OLIG1: variants seen among roughly 807,000 people sequenced by gnomAD.
OLIG1 encodes the protein basic domain, helix-loop-helix protein, class B, 6.
A neutral mutation model predicts 13.5 loss-of-function variants in OLIG1; 9 were observed. The ratio of observed to expected loss-of-function variants is 0.67; its 90% CI spans 0.40 to 1.17. OLIG1 has a LOEUF of 1.17. OLIG1 is among the 50% of genes most tolerant of loss of function. OLIG1 has a pLI of 0.01. For synonymous variants in OLIG1, 215 were observed against 208.3 expected (o/e 1.03, Z -0.28); for missense variants, 362 against 392.2 (o/e 0.92, Z 0.65).
rs553283318 is a variant in OLIG1 at position 33,070,454 on chromosome 21, C to T, written c.208C>T (p.Arg70Cys). 6.6e-7 allele frequency: 1 copy of T among 1,524,758 alleles called. No homozygotes were observed. Among genetic ancestry groups the T allele is most frequent in the Admixed American group, 2.0e-5 (1 of 49,678 alleles). 94.5% of individuals were successfully genotyped at this position (1,524,758 alleles called of 1,614,324 possible). A position where few individuals can be genotyped will look rare whatever the true frequency, so the allele number is the denominator to read the frequency against. Residue 70 changes from arginine to cysteine, a missense_variant, in exon 1 of 1, where the codon CGC becomes TGC. Arg to Cys is a radical substitution (Grantham distance 180). Coordinates refer to ENST00000382348, the MANE Select transcript of OLIG1 (RefSeq NM_138983.3). The surrounding 1 kb of genome is among the most constrained non-coding windows in gnomAD (Gnocchi z 5.9). ...TTAPLLPKAA[R>C]EKPEAPAEPP... ...GGCCCCCCTCCTCCCCAAGGCTGCG[C>T]GCGAGAAGCCGGAGGCGCCGGCCGA...
chr21:33,070,672 C>A lies in OLIG1; in HGVS notation c.426C>A (p.Gly142=), dbSNP rs375917294. 1 of 1,546,350 alleles carries A rather than the reference C, an allele frequency of 6.5e-7. No homozygotes were observed. Among genetic ancestry groups the A allele is most frequent in the South Asian group, 1.2e-5 (1 of 84,534 alleles). The change falls in exon 1 of 1, where the codon GGC becomes GGA. Residue 142 remains glycine, a synonymous_variant. Transcript: ENST00000382348. The surrounding 1 kb of genome is among the most constrained non-coding windows in gnomAD (Gnocchi z 5.9). The stretch of plus-strand genomic sequence containing the variant: ...CCTACTCAGCGGCGCACTGCCAGGG[C>A]GCGCCCGGCCGCAAGCTCTCCAAGA... ...ILPYSAAHCQ[G]APGRKLSKIA...
In OLIG1 at chr21:33,070,613, C is replaced by T. The variant is rs1357134478; in HGVS notation, c.367C>T (p.Leu123=). Residue 123 remains leucine (L), a synonymous_variant, in exon 1 of 1, where the codon CTG becomes TTG. Transcript: ENST00000382348. This position sits in a 1 kb window ranked among gnomAD's most constrained non-coding sequence, Gnocchi z 5.9. The part of the protein sequence containing the change: ...RERKRMQDLN[L]AMDALREVIL... The stretch of plus-strand genomic sequence containing the variant: ...GCGGAAGCGCATGCAGGACCTGAAC[C>T]TGGCCATGGACGCCCTGCGCGAGGT... 9 of 1,575,800 alleles carry T rather than the reference C, an allele frequency of 5.7e-6. No homozygotes were observed. The East Asian group carries it at 9.7e-5, about 17-fold the overall frequency.
At position 33,071,477 on chromosome 21, in the gene OLIG1, G is replaced by A; in HGVS notation, c.*415G>A. 6.0e-6 allele frequency: 1 copy of A among 166,238 alleles called. No individual in the cohort carries two copies. 10.3% of individuals were successfully genotyped at this position (166,238 alleles called of 1,614,324 possible). ...TACCTCCCCGGAGCGGAGCACGCCG[G>A]CTCCCAGTACTAGGGGCTGCGCTCG... On this transcript the variant is annotated 3_prime_UTR_variant, in exon 1 of 1. Coordinates refer to ENST00000382348, the MANE Select transcript of OLIG1 (RefSeq NM_138983.3). This position sits in a 1 kb window ranked among gnomAD's most constrained non-coding sequence, Gnocchi z 6.0.
rs755286379 is a variant in OLIG1 at position 33,071,047 on chromosome 21, G to A, written c.801G>A (p.Ala267=). The change falls in exon 1 of 1, where the codon GCG becomes GCA. Residue 267 remains alanine, a synonymous_variant. Coordinates refer to ENST00000382348, the MANE Select transcript of OLIG1 (RefSeq NM_138983.3). This position sits in a 1 kb window ranked among gnomAD's most constrained non-coding sequence, Gnocchi z 6.0. ...GCCTGGGCCTGGCCGCCGTGCAGGC[G>A]CAATTCTCCAAGTGAGGGCGGGCCT... ...PASLGLAAVQ[A]QFSK The A allele has an allele frequency of 6.0e-6, 9 of 1,503,032 alleles. No individual in the cohort carries two copies. Among genetic ancestry groups the A allele is most frequent in the South Asian group, 4.9e-5 (4 of 81,282 alleles). 93.1% of individuals were successfully genotyped at this position (1,503,032 alleles called of 1,614,324 possible). A position where few individuals can be genotyped will look rare whatever the true frequency, so the allele number is the denominator to read the frequency against.
Position 33,071,120 on chromosome 21 carries a change from C to T in OLIG1, c.*58C>T, listed in dbSNP as rs974515152. ...CCGGCCTCCCTTCGCTCAGCTTCTC[C>T]GCGCCCCTGCTCCCTGCGTCTGGGA... On this transcript the variant is annotated 3_prime_UTR_variant, in exon 1 of 1. Coordinates refer to ENST00000382348, the MANE Select transcript of OLIG1 (RefSeq NM_138983.3). The surrounding 1 kb of genome is among the most constrained non-coding windows in gnomAD (Gnocchi z 6.0). 5.0e-6 allele frequency: 7 copies of T among 1,386,842 alleles called. No individual in the cohort carries two copies. The highest frequency in any genetic ancestry group is 4.7e-6 in the Non-Finnish European group (5 of 1,058,008). 85.9% of individuals were successfully genotyped at this position (1,386,842 alleles called of 1,614,324 possible).
chr21:33,070,520 G>A lies in OLIG1; in HGVS notation c.274G>A (p.Gly92Ser). The A allele has an allele frequency of 6.7e-7, 1 of 1,497,922 alleles. No homozygotes were observed. The highest frequency in any genetic ancestry group is 8.9e-7 in the Non-Finnish European group (1 of 1,129,512). 92.8% of individuals were successfully genotyped at this position (1,497,922 alleles called of 1,614,324 possible). ...PGPGSGAHPGGSARPDAKEEQ... is the reference protein window; with the variant it reads ...PGPGSGAHPGSSARPDAKEEQ... ...GCCCGGGTCAGGCGCGCACCCGGGC[G>A]GCAGCGCCCGGCCGGACGCCAAGGA... The change falls in exon 1 of 1, where the codon GGC (glycine) becomes AGC (serine). Residue 92 changes from glycine to serine, a missense_variant. Around this residue, in one of 3 missense-constraint regions of OLIG1, gnomAD observed 206 missense variants for 197.2 expected, o/e 1.04. Coordinates refer to ENST00000382348, the MANE Select transcript of OLIG1 (RefSeq NM_138983.3). This position sits in a 1 kb window ranked among gnomAD's most constrained non-coding sequence, Gnocchi z 5.9.
At position 33,070,425 on chromosome 21, in the gene OLIG1, C is replaced by G; in HGVS notation, c.179C>G (p.Thr60Arg). Reference protein sequence around the residue: ...SSTSSTSSSSTTAPLLPKAAR... With the variant: ...SSTSSTSSSSRTAPLLPKAAR... ...ACCTCCTCCACTTCCTCCTCCTCCA[C>G]GACGGCCCCCCTCCTCCCCAAGGCT... Residue 60 changes from threonine to arginine, a missense_variant, in exon 1 of 1, where the codon ACG (threonine) becomes AGG (arginine). This residue lies in a region of OLIG1 where 206 missense variants were observed against 197.2 expected (regional missense o/e 1.04). Transcript: ENST00000382348. This position sits in a 1 kb window ranked among gnomAD's most constrained non-coding sequence, Gnocchi z 5.9. 3 of 1,538,006 alleles carry G rather than the reference C, an allele frequency of 2.0e-6. No individual in the cohort carries two copies. The highest frequency in any genetic ancestry group is 2.6e-6 in the Non-Finnish European group (3 of 1,145,002).
At position 33,070,168 on chromosome 21, in the gene OLIG1, CG is replaced by C. The variant is rs1352958359; in HGVS notation, c.-75del. On this transcript the variant is annotated 5_prime_UTR_variant, in exon 1 of 1. Transcript: ENST00000382348. This position sits in a 1 kb window ranked among gnomAD's most constrained non-coding sequence, Gnocchi z 5.9. ...CATCGTTTCCCCGCGCGCAGGTCCG[CG>C]GGGAGGGGCGGCCTGCCGACCGGCC... The C allele has an allele frequency of 1.4e-6, 2 of 1,407,576 alleles. No homozygotes were observed. The highest frequency in any genetic ancestry group is 1.9e-6 in the Non-Finnish European group (2 of 1,079,072). 87.2% of individuals were successfully genotyped at this position (1,407,576 alleles called of 1,614,324 possible).
chr21:33,070,435 C>G lies in OLIG1; in HGVS notation c.189C>G (p.Pro63=). Residue 63 remains proline (P), a synonymous_variant, in exon 1 of 1, where the codon CCC becomes CCG. Coordinates refer to ENST00000382348, the MANE Select transcript of OLIG1 (RefSeq NM_138983.3). The surrounding 1 kb of genome is among the most constrained non-coding windows in gnomAD (Gnocchi z 5.9). The part of the protein sequence containing the change: ...SSTSSSSTTA[P]LLPKAAREKP... ...CTTCCTCCTCCTCCACGACGGCCCC[C>G]CTCCTCCCCAAGGCTGCGCGCGAGA... 6.5e-7 allele frequency: 1 copy of G among 1,537,152 alleles called. No individual in the cohort carries two copies. The highest frequency in any genetic ancestry group is 8.7e-7 in the Non-Finnish European group (1 of 1,144,838).
Position 33,071,402 on chromosome 21 carries a change from T to A in OLIG1, c.*340T>A, listed in dbSNP as rs1277119831. On this transcript the variant is annotated 3_prime_UTR_variant, in exon 1 of 1. Coordinates refer to ENST00000382348, the MANE Select transcript of OLIG1 (RefSeq NM_138983.3). This position sits in a 1 kb window ranked among gnomAD's most constrained non-coding sequence, Gnocchi z 6.0. ...GGGCCGATGTAGAACTTAGGGCGCC[T>A]TGCCGTGGTTGGCGCGCCCCGGGTG... 1.1e-5 allele frequency: 2 copies of A among 186,754 alleles called. No individual in the cohort carries two copies. The highest frequency in any genetic ancestry group is 4.7e-5 in the African/African-American group (2 of 42,280). The allele number at this position is 186,754 out of a possible 1,614,324, so 11.6% of individuals were successfully genotyped here.
Position 33,071,131 on chromosome 21 carries a change from T to G in OLIG1, c.*69T>G. 7.5e-7 allele frequency: 1 copy of G among 1,331,998 alleles called. No individual in the cohort carries two copies. 82.5% of individuals were successfully genotyped at this position (1,331,998 alleles called of 1,614,324 possible). On this transcript the variant is annotated 3_prime_UTR_variant, in exon 1 of 1. Transcript: ENST00000382348. This position sits in a 1 kb window ranked among gnomAD's most constrained non-coding sequence, Gnocchi z 6.0. ...TCGCTCAGCTTCTCCGCGCCCCTGC[T>G]CCCTGCGTCTGGGAGAGCGAGGCCG...
In OLIG1 at chr21:33,071,225, C is replaced by A. The variant is rs977149799; in HGVS notation, c.*163C>A. The A allele has an allele frequency of 6.3e-6, 4 of 633,226 alleles. No homozygotes were observed. The South Asian group carries it at 1.1e-4, about 17-fold the overall frequency. The allele number at this position is 633,226 out of a possible 1,614,324, so 39.2% of individuals were successfully genotyped here. On this transcript the variant is annotated 3_prime_UTR_variant, in exon 1 of 1. Transcript: ENST00000382348. This position sits in a 1 kb window ranked among gnomAD's most constrained non-coding sequence, Gnocchi z 6.0. The stretch of plus-strand genomic sequence containing the variant: ...TGTCGGGCACCCCCTTCCCCGCCCC[C>A]ACCCCTGGGACGTTAAAGTGACCAG...
Position 33,070,927 on chromosome 21 carries a change from G to A in OLIG1, c.681G>A (p.Pro227=), listed in dbSNP as rs1255951398. The A allele has an allele frequency of 4.8e-6, 7 of 1,446,232 alleles. No homozygotes were observed. Among genetic ancestry groups the A allele is most frequent in the Non-Finnish European group, 5.4e-6 (6 of 1,105,792 alleles). The allele number at this position is 1,446,232 out of a possible 1,614,324, so 89.6% of individuals were successfully genotyped here. The change falls in exon 1 of 1, where the codon CCG becomes CCA. Residue 227 remains proline, a synonymous_variant. Transcript: ENST00000382348. The surrounding 1 kb of genome is among the most constrained non-coding windows in gnomAD (Gnocchi z 5.9). ...AKYLSLALDE[P]PCGQFALPGG... is the part of the protein sequence containing the mutation. ...ACCTGTCGCTGGCGCTGGACGAGCC[G>A]CCGTGCGGCCAGTTCGCTCTCCCCG...
At position 33,071,158 on chromosome 21, in the gene OLIG1, G is replaced by A. The variant is rs1825208979; in HGVS notation, c.*96G>A. 1 of 1,180,266 alleles carries A rather than the reference G, an allele frequency of 8.5e-7. No individual in the cohort carries two copies. Among genetic ancestry groups the A allele is most frequent in the South Asian group, 1.9e-5 (1 of 52,960 alleles). The allele number at this position is 1,180,266 out of a possible 1,614,324, so 73.1% of individuals were successfully genotyped here. ...CCTGCGTCTGGGAGAGCGAGGCCGAGCAAGGAAAGCATTTCGAACCTTCCA... is the reference window on the plus strand; with the variant it reads ...CCTGCGTCTGGGAGAGCGAGGCCGAACAAGGAAAGCATTTCGAACCTTCCA... On this transcript the variant is annotated 3_prime_UTR_variant, in exon 1 of 1. Transcript: ENST00000382348. The surrounding 1 kb of genome is among the most constrained non-coding windows in gnomAD (Gnocchi z 6.0).
Position 33,071,069 on chromosome 21 carries a change from GC to G in OLIG1, c.*9del, listed in dbSNP as rs1982215434. The G allele has an allele frequency of 2.0e-6, 3 of 1,478,754 alleles. No individual in the cohort carries two copies. Among genetic ancestry groups the G allele is most frequent in the African/African-American group, 1.5e-5 (1 of 67,768 alleles). 91.6% of individuals were successfully genotyped at this position (1,478,754 alleles called of 1,614,324 possible). ...GGCGCAATTCTCCAAGTGAGGGCGG[GC>G]CTGGGCCTGGGGCGCGACCTCGGCC... On this transcript the variant is annotated 3_prime_UTR_variant, in exon 1 of 1. Coordinates refer to ENST00000382348, the MANE Select transcript of OLIG1 (RefSeq NM_138983.3). The surrounding 1 kb of genome is among the most constrained non-coding windows in gnomAD (Gnocchi z 6.0).
In OLIG1 at chr21:33,070,714, C is replaced by G; in HGVS notation, c.468C>G (p.Leu156=). ...TCTCCAAGATAGCCACGCTGCTGCT[C>G]GCCCGCAACTACATCCTACTGCTGG... The part of the protein sequence containing the change: ...RKLSKIATLL[L]ARNYILLLGS... The change falls in exon 1 of 1, where the codon CTC becomes CTG. Residue 156 remains leucine (L), a synonymous_variant. Transcript: ENST00000382348. The surrounding 1 kb of genome is among the most constrained non-coding windows in gnomAD (Gnocchi z 5.9). 2.0e-6 allele frequency: 3 copies of G among 1,507,974 alleles called. No homozygotes were observed. Among genetic ancestry groups the G allele is most frequent in the Non-Finnish European group, 2.6e-6 (3 of 1,133,690 alleles). The allele number at this position is 1,507,974 out of a possible 1,614,324, so 93.4% of individuals were successfully genotyped here. A position where few individuals can be genotyped will look rare whatever the true frequency, so the allele number is the denominator to read the frequency against.
In OLIG1 at chr21:33,070,704, C is replaced by A; in HGVS notation, c.458C>A (p.Thr153Lys). 4.0e-6 allele frequency: 6 copies of A among 1,514,056 alleles called. No homozygotes were observed. The highest frequency in any genetic ancestry group is 5.3e-6 in the Non-Finnish European group (6 of 1,136,570). 93.8% of individuals were successfully genotyped at this position (1,514,056 alleles called of 1,614,324 possible). ...GGCCGCAAGCTCTCCAAGATAGCCA[C>A]GCTGCTGCTCGCCCGCAACTACATC... ...APGRKLSKIA[T>K]LLLARNYILL... The change falls in exon 1 of 1, where the codon ACG becomes AAG. Residue 153 changes from threonine (T) to lysine (K), a missense_variant. Physicochemically the swap from Thr to Lys is moderately conservative, Grantham distance 78 (BLOSUM62 -1). Transcript: ENST00000382348. This position sits in a 1 kb window ranked among gnomAD's most constrained non-coding sequence, Gnocchi z 5.9.
Position 33,070,778 on chromosome 21 carries a change from G to T in OLIG1, c.532G>T (p.Gly178Cys). Reference sequence around the variant, plus strand: ...GGAGCTGCGCCGCGCGCTGGGCGAGGGCGCCGGGCCCGCCGCGCCGCGCCT... The same window carrying T: ...GGAGCTGCGCCGCGCGCTGGGCGAGTGCGCCGGGCCCGCCGCGCCGCGCCT... ...LQELRRALGE[G>C]AGPAAPRLLL... is the part of the protein sequence containing the mutation. Residue 178 changes from glycine to cysteine, a missense_variant, in exon 1 of 1, where the codon GGC becomes TGC. Around this residue, in one of 3 missense-constraint regions of OLIG1, gnomAD observed 94 missense variants for 146.0 expected, o/e 0.64. Coordinates refer to ENST00000382348, the MANE Select transcript of OLIG1 (RefSeq NM_138983.3). The surrounding 1 kb of genome is among the most constrained non-coding windows in gnomAD (Gnocchi z 5.9). 1 of 1,222,314 alleles carries T rather than the reference G, an allele frequency of 8.2e-7. No homozygotes were observed. The allele number at this position is 1,222,314 out of a possible 1,614,324, so 75.7% of individuals were successfully genotyped here.
chr21:33,071,141 T>A lies in OLIG1; in HGVS notation c.*79T>A. On this transcript the variant is annotated 3_prime_UTR_variant, in exon 1 of 1. Coordinates refer to ENST00000382348, the MANE Select transcript of OLIG1 (RefSeq NM_138983.3). This position sits in a 1 kb window ranked among gnomAD's most constrained non-coding sequence, Gnocchi z 6.0. The stretch of plus-strand genomic sequence containing the variant: ...TCTCCGCGCCCCTGCTCCCTGCGTC[T>A]GGGAGAGCGAGGCCGAGCAAGGAAA... 3.1e-6 allele frequency: 4 copies of A among 1,274,542 alleles called. No individual in the cohort carries two copies. The highest frequency in any genetic ancestry group is 4.1e-6 in the Non-Finnish European group (4 of 973,564). The allele number at this position is 1,274,542 out of a possible 1,614,324, so 79.0% of individuals were successfully genotyped here.
Sources: allele counts gnomAD v4.1 joint callset, GRCh38; gene constraint gnomAD v4.1.1; regional missense constraint gnomAD v4.1.1; non-coding constraint Gnocchi (gnomAD v3.1); transcripts MANE v1.5; gene names NCBI Gene and HGNC (gene_info 2026-07-23, HGNC 2026-07-21).